Variants in ST6GALNAC3 observed in about 807,000 individuals in gnomAD.
The protein encoded by ST6GALNAC3 is ST6 N-acetylgalactosaminide alpha-2,6-sialyltransferase 3.
ST6GALNAC3 carries 25 observed loss-of-function variants against 32.7 expected under a neutral mutation model. The ratio of observed to expected loss-of-function variants is 0.76; its 90% CI spans 0.56 to 1.07. ST6GALNAC3 has a LOEUF of 1.07. Among genes scored for constraint, ST6GALNAC3 ranks in the 50% least tolerant of loss-of-function variants. ST6GALNAC3 has a pLI of 0.00. For missense variants in ST6GALNAC3, 355 were observed against 382.4 expected, an observed-to-expected ratio of 0.93 and a Z score of 0.60; for synonymous variants, 129 against 133.1, an observed-to-expected ratio of 0.97 and a Z score of 0.21.
chr1:76,142,130 T>C (rs1557650120), intron 1 of ST6GALNAC3, among the ~76,000 whole-genome samples: 1 of 152,064 alleles, frequency 6.6e-6, no homozygotes, highest in East Asian at 1.9e-4. Context: ...AAGCTACCCC[T>C]AAAAGCAAAG....
chr1:76,413,134 C>A (rs574405447), intron 3 of ST6GALNAC3: 1 of 190,102 alleles, frequency 5.3e-6, no homozygotes, highest in South Asian at 8.0e-5. Context: ...CCCTCCCCTT[C>A]CTTCTCCTAT....
chr1:76,454,881 T>G (rs1657661799), intron 3 of ST6GALNAC3, among the ~76,000 whole-genome samples: 1 of 151,960 alleles, frequency 6.6e-6, no homozygotes, highest in African/African-American at 2.4e-5. Flanking sequence ...ATTTTTAAGT[T>G]CTTGAAAGTT....
intron 3 of ST6GALNAC3, among the ~76,000 whole-genome samples, chr1:76,588,196 G>T (rs745941897): frequency 1.3e-5 from 2 of 151,622 alleles, no homozygotes; most frequent in African/African-American, 2.4e-5. Flanking sequence ...TAGTTTTTTT[G>T]TTTGTTTGTT....
intron 3 of ST6GALNAC3, among the ~76,000 whole-genome samples, chr1:76,462,145 C>A (rs758204171): frequency 2.0e-5 from 3 of 151,824 alleles, no homozygotes; most frequent in Non-Finnish European, 2.9e-5. Flanking sequence ...TTCTTGAGAG[C>A]AATGATGCTG....
intron 3 of ST6GALNAC3, among the ~76,000 whole-genome samples, chr1:76,437,025 G>C (rs1460605542): frequency 6.6e-6 from 1 of 152,068 alleles, no homozygotes; most frequent in Non-Finnish European, 1.5e-5. Context: ...GAGCTTTGCT[G>C]TACACTCAGC....
chr1:76,313,969 C>A lies in ST6GALNAC3; in HGVS notation c.183C>A (p.His61Gln). Residue 61 changes from histidine (H) to glutamine (Q), a missense_variant, in exon 2 of 5, where the codon CAC becomes CAA. Transcript: ENST00000328299. ...SYTYRRPLRT[H>Q]YGYINVKTQE... ...CATACAGGCGGCCCCTTCGAACTCA[C>A]TATGGATACATAAATGTGAAGACAC... 6.2e-7 allele frequency: 1 copy of A among 1,613,000 alleles called. No individual in the cohort carries two copies. Among genetic ancestry groups the A allele is most frequent in the Non-Finnish European group, 8.5e-7 (1 of 1,179,400 alleles).
intron 3 of ST6GALNAC3, among the ~76,000 whole-genome samples, chr1:76,441,258 ATATAT>A (rs1383867225): frequency 1.3e-5 from 2 of 152,130 alleles, no homozygotes; most frequent in East Asian, 1.9e-4. Context: ...TATGTCAAGC[ATATAT>A]TATATTACTT....
At chr1:76,189,106 A>C (rs1328512282) in intron 1 of ST6GALNAC3, among the ~76,000 whole-genome samples, 6 of 152,198 alleles carry the variant, frequency 3.9e-5, no homozygotes, top group Non-Finnish European at 8.8e-5. Context: ...TGGGGCCAAG[A>C]GGGTATAAGT....
In ST6GALNAC3 at chr1:76,191,398, G is replaced by A. The variant is rs35941147; in HGVS notation, c.18+116514G>A. On this transcript the variant is annotated intron_variant, in intron 1 of 4. Transcript: ENST00000328299. ...GTATGGGAGGCGAGGAGGATGGGGA[G>A]AGGATGGTCAACAGGTACAAAGTTA... Among the ~76,000 whole-genome samples, 1,186 of 152,250 alleles carry A rather than the reference G, an allele frequency of 7.8e-3. 24 individuals are homozygous for A. The highest frequency in any genetic ancestry group is 0.027 in the African/African-American group (1,134 of 41,542).
intron 3 of ST6GALNAC3, among the ~76,000 whole-genome samples, chr1:76,618,829 T>C (rs1465527418): frequency 6.6e-6 from 1 of 152,148 alleles, no homozygotes; most frequent in Non-Finnish European, 1.5e-5. Flanking sequence ...TCTTCGCATA[T>C]TATACCTATC....
chr1:76,432,946 G>A (rs969427965), intron 3 of ST6GALNAC3, among the ~76,000 whole-genome samples: 2 of 152,134 alleles, frequency 1.3e-5, no homozygotes, highest in Non-Finnish European at 2.9e-5. Context: ...AAATGTGGGG[G>A]CATCTCCATT....
chr1:76,117,324 A>G (rs376825633), intron 1 of ST6GALNAC3, among the ~76,000 whole-genome samples: 104 of 152,322 alleles, frequency 6.8e-4, no homozygotes, highest in African/African-American at 2.4e-3. Flanking sequence ...CAAGAATGTA[A>G]ATGTGATGAA....
chr1:76,123,749 ATTTTTTTTTTTT>A (rs767734132), intron 1 of ST6GALNAC3, among the ~76,000 whole-genome samples: 1 of 94,290 alleles, frequency 1.1e-5, no homozygotes, highest in African/African-American at 4.3e-5. Context: ...ACTCATTTTA[ATTTTTTTTTTTT>A]TTTTTTTTTT....
At chr1:76,599,817 G>C (rs1004692033) in intron 3 of ST6GALNAC3, among the ~76,000 whole-genome samples, 2 of 147,400 alleles carry the variant, frequency 1.4e-5, no homozygotes, top group African/African-American at 5.0e-5. Flanking sequence ...ACAATTTATT[G>C]TTTTGGGTGA....
intron 3 of ST6GALNAC3, among the ~76,000 whole-genome samples, chr1:76,589,097 T>A (rs1647007345): frequency 6.6e-6 from 1 of 152,190 alleles, no homozygotes; most frequent in African/African-American, 2.4e-5. Context: ...AAAGTTAATG[T>A]ATTTAAACAG....
rs893485132 is a variant in ST6GALNAC3, at chr1:76,213,604, A to G, written c.19-100201A>G. 3.9e-5 allele frequency among the ~76,000 whole-genome samples: 6 copies of G among 152,328 alleles called. No individual in the cohort carries two copies. The Middle Eastern group carries it at 0.014, about 345-fold the overall frequency. ...TATTAAAAACAAATTCCCTTGCTCTATTTATTCCAACTAAAATCACAGAGA... is the reference window on the plus strand; with the variant it reads ...TATTAAAAACAAATTCCCTTGCTCTGTTTATTCCAACTAAAATCACAGAGA... On this transcript the variant is annotated intron_variant, in intron 1 of 4. Transcript: ENST00000328299.
chr1:76,199,587 G>A (rs543602940), intron 1 of ST6GALNAC3, among the ~76,000 whole-genome samples: 6 of 152,138 alleles, frequency 3.9e-5, no homozygotes, highest in Non-Finnish European at 8.8e-5. Context: ...GACCTTTGAA[G>A]GTAGTAATGT....
intron 1 of ST6GALNAC3, among the ~76,000 whole-genome samples, chr1:76,289,119 T>C (rs992940655): frequency 6.6e-6 from 1 of 152,250 alleles, no homozygotes; most frequent in Admixed American, 6.5e-5. Flanking sequence ...TATAGGACCT[T>C]ATGTTACTTA....
In ST6GALNAC3 at chr1:76,582,986, C is replaced by T. The variant is rs145954700; in HGVS notation, c.624-44466C>T. Among the ~76,000 whole-genome samples, 297 of 152,160 alleles carry T rather than the reference C, an allele frequency of 2.0e-3. 2 individuals are homozygous for T. Among genetic ancestry groups the T allele is most frequent in the African/African-American group, 6.7e-3 (278 of 41,516 alleles). On this transcript the variant is annotated intron_variant, in intron 3 of 4. Transcript: ENST00000328299. Reference sequence around the variant, plus strand: ...GACTGGGTTGTTAAAATACTATTTGCGTATGTAATAGTTTCTCAAAAGAAT... The same window carrying T: ...GACTGGGTTGTTAAAATACTATTTGTGTATGTAATAGTTTCTCAAAAGAAT...
Sources: gnomAD v4.1 joint callset for allele counts (sites outside exome capture counted in the v4.1 genomes callset) on GRCh38, gnomAD v4.1.1 for gene constraint, MANE v1.5 for transcripts, NCBI Gene and HGNC (gene_info 2026-07-23, HGNC 2026-07-21) for gene names.